The following SLC12A4 variants were observed in gnomAD, a reference collection of about 807,000 sequenced individuals.
SLC12A4 encodes the protein solute carrier family 12 member 4, also known as electroneutral potassium-chloride cotransporter 1.
A neutral mutation model predicts 119.2 loss-of-function variants in SLC12A4; 84 were observed. The observed-to-expected ratio is 0.70, with a 90% CI of 0.59 to 0.85. SLC12A4 has a LOEUF of 0.85. Among genes scored for constraint, SLC12A4 ranks in the 40% least tolerant of loss-of-function variants. The pLI, the probability that SLC12A4 is intolerant of heterozygous loss-of-function variation, is 0.00. For synonymous variants in SLC12A4, 599 were observed against 604.6 expected, an observed-to-expected ratio of 0.99 and a Z score of 0.14; for missense variants, 1,298 against 1,476.3, an observed-to-expected ratio of 0.88 and a Z score of 1.98.
In SLC12A4 at chr16:67,943,943, C is replaced by T. The variant is rs2058312163; in HGVS notation, c.*897G>A. On this transcript the variant is annotated 3_prime_UTR_variant, in exon 24 of 24. Coordinates refer to ENST00000316341, the MANE Select transcript of SLC12A4 (RefSeq NM_005072.5). The surrounding 1 kb of genome is among the most constrained non-coding windows in gnomAD (Gnocchi z 4.6). ...TGGTGCATCAGGGGCCTGGTGGGGG[C>T]TTACCGAGGATGACGGGCCGTGTGT... The T allele has an allele frequency of 6.5e-7, 1 of 1,544,382 alleles. No homozygotes were observed. The highest frequency in any genetic ancestry group is 8.7e-7 in the Non-Finnish European group (1 of 1,143,372).
chr16:67,955,878 A>C (rs1175088954), intron 5 of SLC12A4, among the ~76,000 whole-genome samples: 2 of 126,986 alleles, frequency 1.6e-5, no homozygotes, highest in Non-Finnish European at 3.3e-5. Flanking sequence ...ACTCCGTCTC[A>C]AAAAAAAAAA....
chr16:67,945,702 A>ATGCGGTCTCCAAAGGCCTGACC, intron 21 of SLC12A4, 62 bp downstream of exon 21: 1 of 1,531,880 alleles, frequency 6.5e-7, no homozygotes, highest in Non-Finnish European at 8.9e-7. Context: ...GCACCCACCG[A>ATGCGGTCTCCAAAGGCCTGACC]TGCGGTCTCC....
chr16:67,946,867 C>G, intron 17 of SLC12A4, 70 bp downstream of exon 17: 1 of 1,524,048 alleles, frequency 6.6e-7, no homozygotes. Flanking sequence ...AGACTGGGCC[C>G]TCCCCTCCGT....
chr16:67,947,817 G>GC, intron 14 of SLC12A4, 29 bp from the exon 15 acceptor site: 3 of 1,563,588 alleles, frequency 1.9e-6, no homozygotes, highest in Non-Finnish European at 2.6e-6. Context: ...CAGAGTCAGG[G>GC]CAGGACCAGG....
chr16:67,947,645 G>C, intron 15 of SLC12A4, 24 bp downstream of exon 15: 3 of 1,588,392 alleles, frequency 1.9e-6, no homozygotes, highest in Non-Finnish European at 2.6e-6. Context: ...AGCTGGCAGA[G>C]GCCAGGTGGC....
rs2151327588 is a variant in SLC12A4, at chr16:67,949,721, C to T, written c.1748+79G>A. 1.0e-6 allele frequency: 1 copy of T among 981,258 alleles called. No individual in the cohort carries two copies. The highest frequency in any genetic ancestry group is 1.6e-5 in the African/African-American group (1 of 61,242). 60.8% of individuals were successfully genotyped at this position (981,258 alleles called of 1,614,324 possible). On this transcript the variant is annotated intron_variant, in intron 13 of 23. Coordinates refer to ENST00000316341, the MANE Select transcript of SLC12A4 (RefSeq NM_005072.5). This position sits in a 1 kb window ranked among gnomAD's most constrained non-coding sequence, Gnocchi z 4.6. ...CCACATCTCCCAGCTGGACCTCCAA[C>T]ACCAGACGCAGCCACGGGGAGGTGC... is the stretch of plus-strand genomic sequence containing the variant.
chr16:67,958,069 C>A (rs78818722), intron 3 of SLC12A4, 25 bp from the exon 4 acceptor site: 8 of 1,608,074 alleles, frequency 5.0e-6, no homozygotes, highest in Non-Finnish European at 5.9e-6. Flanking sequence ...AGGGAGGGGG[C>A]GAGTAGAGCA....
Position 67,945,782 on chromosome 16 carries a change from C to T in SLC12A4, c.2829G>A (p.Lys943=), listed in dbSNP as rs758596309. The T allele has an allele frequency of 7.7e-5, 124 of 1,613,596 alleles. No individual in the cohort carries two copies. The highest frequency in any genetic ancestry group is 9.9e-5 in the Non-Finnish European group (117 of 1,180,032). ...SQMLRQMRLT[K]TEREREAQLV... ...CACTGACTTCTCGCTCCCGCTCAGT[C>T]TTGGTCAGTCTCATCTGCCGCAGCA... The change falls in exon 21 of 24, where the codon AAG becomes AAA. Residue 943 remains lysine (K), a synonymous_variant. Coordinates refer to ENST00000316341, the MANE Select transcript of SLC12A4 (RefSeq NM_005072.5).
chr16:67,957,994 A>T lies in SLC12A4; in HGVS notation c.393T>A (p.Asn131Lys), dbSNP rs762458848. ...LMGVYLPCLQ[N>K]IFGVILFLRL... The stretch of plus-strand genomic sequence containing the variant: ...GCAGGAAGAGGATAACCCCAAAGAT[A>T]TTCTGCAGGCAGGGCAGGTACACCC... The change falls in exon 4 of 24, where the codon AAT becomes AAA. Residue 131 changes from asparagine (N) to lysine (K), a missense_variant. By Grantham distance (94) the Asn-to-Lys change is moderately conservative (BLOSUM62 0). Coordinates refer to ENST00000316341, the MANE Select transcript of SLC12A4 (RefSeq NM_005072.5). 23 of 1,614,210 alleles carry T rather than the reference A, an allele frequency of 1.4e-5. No homozygotes were observed. Among genetic ancestry groups the T allele is most frequent in the Non-Finnish European group, 1.7e-5 (20 of 1,180,038 alleles).
At position 67,943,978 on chromosome 16, in the gene SLC12A4, G is replaced by T; in HGVS notation, c.*862C>A. The T allele has an allele frequency of 6.5e-7, 1 of 1,548,458 alleles. No individual in the cohort carries two copies. Among genetic ancestry groups the T allele is most frequent in the Non-Finnish European group, 8.7e-7 (1 of 1,145,652 alleles). ...ATGACGGGCCGTGTGTGGTTACTGA[G>T]CTCAGCCTTGGGCGTGGTGTGCGGG... On this transcript the variant is annotated 3_prime_UTR_variant, in exon 24 of 24. Transcript: ENST00000316341. The surrounding 1 kb of genome is among the most constrained non-coding windows in gnomAD (Gnocchi z 4.6).
At position 67,949,167 on chromosome 16, in the gene SLC12A4, G is replaced by C. The variant is rs2058384899; in HGVS notation, c.1748+633C>G. On this transcript the variant is annotated intron_variant, in intron 13 of 23. Transcript: ENST00000316341. This position sits in a 1 kb window ranked among gnomAD's most constrained non-coding sequence, Gnocchi z 4.6. ...AAAGCAAATGACTTTGAAAATGGATGGGTTGGGCATGGTGGCTCACGCCTG... is the reference window on the plus strand; with the variant it reads ...AAAGCAAATGACTTTGAAAATGGATCGGTTGGGCATGGTGGCTCACGCCTG... 6.6e-6 allele frequency among the ~76,000 whole-genome samples: 1 copy of C among 152,180 alleles called. No individual in the cohort carries two copies. Among genetic ancestry groups the C allele is most frequent in the African/African-American group, 2.4e-5 (1 of 41,432 alleles).
chr16:67,950,550 C>G lies in SLC12A4; in HGVS notation c.1455-57G>C. Reference sequence around the variant, plus strand: ...GGGTCCGGAAGGATGGCACAGACCACCAAAGGCAGCCAGCAGGCTTAGGAC... The same window carrying G: ...GGGTCCGGAAGGATGGCACAGACCAGCAAAGGCAGCCAGCAGGCTTAGGAC... On this transcript the variant is annotated intron_variant, in intron 11 of 23. Coordinates refer to ENST00000316341, the MANE Select transcript of SLC12A4 (RefSeq NM_005072.5). This position sits in a 1 kb window ranked among gnomAD's most constrained non-coding sequence, Gnocchi z 4.3. 1 of 1,610,496 alleles carries G rather than the reference C, an allele frequency of 6.2e-7. No individual in the cohort carries two copies. Among genetic ancestry groups the G allele is most frequent in the Non-Finnish European group, 8.5e-7 (1 of 1,177,750 alleles).
At chr16:67,955,434 A>C (rs1337186158) in intron 5 of SLC12A4, among the ~76,000 whole-genome samples, 1 of 152,170 alleles carries the variant, frequency 6.6e-6, no homozygotes, top group Non-Finnish European at 1.5e-5. Flanking sequence ...TCAAAGAGTC[A>C]ATCTTGGCTG....
chr16:67,949,612 A>G lies in SLC12A4; in HGVS notation c.1748+188T>C. On this transcript the variant is annotated intron_variant, in intron 13 of 23. Coordinates refer to ENST00000316341, the MANE Select transcript of SLC12A4 (RefSeq NM_005072.5). This position sits in a 1 kb window ranked among gnomAD's most constrained non-coding sequence, Gnocchi z 4.6. ...GAGGTGTGGACATATTGGTCACCTT[A>G]TAGCTTTGGCATAGGTGCCAGGCTT... The G allele has an allele frequency of 1.8e-6, 1 of 550,428 alleles. No homozygotes were observed. Among genetic ancestry groups the G allele is most frequent in the South Asian group, 2.2e-5 (1 of 46,474 alleles). The allele number at this position is 550,428 out of a possible 1,614,324, so 34.1% of individuals were successfully genotyped here. A position where few individuals can be genotyped will look rare whatever the true frequency, so the allele number is the denominator to read the frequency against.
At chr16:67,963,840 G>A (rs1229056345) in intron 1 of SLC12A4, 3 of 1,498,440 alleles carry the variant, frequency 2.0e-6, no homozygotes, top group South Asian at 1.2e-5. Context: ...GGACACTGAG[G>A]GACGGGGCCT....
chr16:67,949,981 C>T lies in SLC12A4; in HGVS notation c.1630-63G>A, dbSNP rs1185952401. The T allele has an allele frequency of 3.0e-6, 4 of 1,314,762 alleles. No individual in the cohort carries two copies. The highest frequency in any genetic ancestry group is 4.4e-6 in the Non-Finnish European group (4 of 916,166). 81.4% of individuals were successfully genotyped at this position (1,314,762 alleles called of 1,614,324 possible). A position where few individuals can be genotyped will look rare whatever the true frequency, so the allele number is the denominator to read the frequency against. On this transcript the variant is annotated intron_variant, in intron 12 of 23. Coordinates refer to ENST00000316341, the MANE Select transcript of SLC12A4 (RefSeq NM_005072.5). The surrounding 1 kb of genome is among the most constrained non-coding windows in gnomAD (Gnocchi z 4.6). The stretch of plus-strand genomic sequence containing the variant: ...CCATTCCACACCTTGGGCCCCAGAC[C>T]CCAGCCTGGCCTCCCTCACCCCCAG...
Position 67,950,087 on chromosome 16 carries a change from C to A in SLC12A4, c.1630-169G>T, listed in dbSNP as rs954654622. ...TCTCCCTGATTCCACCTCACCAGGC[C>A]TCTCTCCTTTGGATGAGCCCTAAAC... is the stretch of plus-strand genomic sequence containing the variant. On this transcript the variant is annotated intron_variant, in intron 12 of 23. Coordinates refer to ENST00000316341, the MANE Select transcript of SLC12A4 (RefSeq NM_005072.5). This position sits in a 1 kb window ranked among gnomAD's most constrained non-coding sequence, Gnocchi z 4.3. The A allele has an allele frequency of 4.3e-6, 3 of 692,590 alleles. No homozygotes were observed. Among genetic ancestry groups the A allele is most frequent in the Non-Finnish European group, 7.3e-6 (3 of 409,650 alleles). 42.9% of individuals were successfully genotyped at this position (692,590 alleles called of 1,614,324 possible). A position where few individuals can be genotyped will look rare whatever the true frequency, so the allele number is the denominator to read the frequency against.
intron 5 of SLC12A4, among the ~76,000 whole-genome samples, chr16:67,957,096 T>C (rs1438771008): frequency 6.6e-6 from 1 of 151,762 alleles, no homozygotes; most frequent in African/African-American, 2.4e-5. Flanking sequence ...CTCTGCCTCC[T>C]GGGTTCAAGC....
Position 67,950,754 on chromosome 16 carries a change from G to C in SLC12A4, c.1397-43C>G. On this transcript the variant is annotated intron_variant, in intron 10 of 23. Coordinates refer to ENST00000316341, the MANE Select transcript of SLC12A4 (RefSeq NM_005072.5). This position sits in a 1 kb window ranked among gnomAD's most constrained non-coding sequence, Gnocchi z 4.3. Reference sequence around the variant, plus strand: ...AAAACTCGGCCTCTGCCACCCCACTGTCCCTGAATAGTACCACGTGCCCCC... The same window carrying C: ...AAAACTCGGCCTCTGCCACCCCACTCTCCCTGAATAGTACCACGTGCCCCC... 3 of 1,579,704 alleles carry C rather than the reference G, an allele frequency of 1.9e-6. No homozygotes were observed. Among genetic ancestry groups the C allele is most frequent in the Non-Finnish European group, 8.6e-7 (1 of 1,163,280 alleles).
Sources: gnomAD v4.1 joint callset for allele counts (sites outside exome capture counted in the v4.1 genomes callset) on GRCh38, gnomAD v4.1.1 for gene constraint, Gnocchi (gnomAD v3.1) non-coding constraint, MANE v1.5 for transcripts, NCBI Gene and HGNC (gene_info 2026-07-23, HGNC 2026-07-21) for gene names.